KCNB2: variants seen among roughly 807,000 people sequenced by gnomAD.
The protein encoded by KCNB2 is delayed rectifier potassium channel protein.
Under a neutral mutation model 61.5 loss-of-function variants are expected in KCNB2, and 15 were observed. The ratio of observed to expected loss-of-function variants is 0.24; its 90% CI spans 0.16 to 0.38. The LOEUF (loss-of-function observed/expected upper bound fraction) is 0.38, where lower values mean the gene tolerates loss of function less well. Among genes scored for constraint, KCNB2 ranks in the 10% least tolerant of loss-of-function variants. KCNB2 has a pLI of 1.00. For missense variants in KCNB2, 828 were observed against 1,125.2 expected (o/e 0.74, Z 3.78); for synonymous variants, 457 against 446.0 (o/e 1.02, Z -0.31).
At chr8:72,928,161 G>C (rs1806692132) in intron 2 of KCNB2, among the ~76,000 whole-genome samples, 1 of 150,602 alleles carries the variant, frequency 6.6e-6, no homozygotes, top group Non-Finnish European at 1.5e-5. Context: ...CTGATAAGGA[G>C]AAAAGTGAGG....
At chr8:72,580,411 T>G (rs1362228681) in intron 2 of KCNB2, among the ~76,000 whole-genome samples, 2 of 152,234 alleles carry the variant, frequency 1.3e-5, no homozygotes, top group Admixed American at 1.3e-4. Context: ...CTCACAGTTG[T>G]ATTTCTAGTT....
intron 2 of KCNB2, among the ~76,000 whole-genome samples, chr8:72,927,349 C>T (rs1806672197): frequency 6.6e-6 from 1 of 152,004 alleles, no homozygotes; most frequent in South Asian, 2.1e-4. Context: ...TGGCTCACTA[C>T]AACCTGCACC....
chr8:72,683,951 C>T (rs1033162656), intron 2 of KCNB2, among the ~76,000 whole-genome samples: 1 of 151,986 alleles, frequency 6.6e-6, no homozygotes, highest in African/African-American at 2.4e-5. Context: ...TACTTTTTCC[C>T]TTGAATGATG....
chr8:72,715,610 C>G (rs1471349571), intron 2 of KCNB2, among the ~76,000 whole-genome samples: 6 of 151,952 alleles, frequency 3.9e-5, no homozygotes, highest in Admixed American at 3.9e-4. Context: ...TCTTTGAAAC[C>G]AACGAGAACA....
At chr8:72,918,592 G>C (rs189520084) in intron 2 of KCNB2, among the ~76,000 whole-genome samples, 3 of 152,200 alleles carry the variant, frequency 2.0e-5, no homozygotes, top group Admixed American at 2.0e-4. Context: ...TCCCCTTTTT[G>C]AGGAATTCTA....
At chr8:72,651,553 T>G (rs1404252090) in intron 2 of KCNB2, among the ~76,000 whole-genome samples, 1 of 152,128 alleles carries the variant, frequency 6.6e-6, no homozygotes, top group Non-Finnish European at 1.5e-5. Context: ...GAGGCAGTGC[T>G]GAGCCACACA....
rs139383097 is a variant in KCNB2 at position 72,936,828 on chromosome 8, G to A, written c.1473G>A (p.Arg491=). ...SADDNHLSPS[R]WKWARKALSE... is the part of the protein sequence containing the mutation. Reference sequence around the variant, plus strand: ...ACGATAATCACCTGTCGCCAAGCCGGTGGAAGTGGGCCAGGAAGGCTCTGT... The same window carrying A: ...ACGATAATCACCTGTCGCCAAGCCGATGGAAGTGGGCCAGGAAGGCTCTGT... Residue 491 remains arginine (R), a synonymous_variant, in exon 3 of 3, where the codon CGG becomes CGA. Coordinates refer to ENST00000523207, the MANE Select transcript of KCNB2 (RefSeq NM_004770.3). The surrounding 1 kb of genome is among the most constrained non-coding windows in gnomAD (Gnocchi z 5.6). 8.8e-5 allele frequency: 142 copies of A among 1,614,136 alleles called. No homozygotes were observed. The African/African-American group carries it at 1.7e-3, about 19-fold the overall frequency.
chr8:72,870,844 C>G (rs1805603922), intron 2 of KCNB2, among the ~76,000 whole-genome samples: 1 of 152,126 alleles, frequency 6.6e-6, no homozygotes, highest in South Asian at 2.1e-4. Context: ...AGGTGTGGTG[C>G]CATGCACCTG....
chr8:72,588,786 C>G lies in KCNB2; in HGVS notation c.579+20473C>G, dbSNP rs764523838. Among the ~76,000 whole-genome samples, 55 of 152,050 alleles carry G rather than the reference C, an allele frequency of 3.6e-4. 1 individual carries two copies. Among genetic ancestry groups the G allele is most frequent in the South Asian group, 4.2e-4 (2 of 4,806 alleles). On this transcript the variant is annotated intron_variant, in intron 2 of 2. Transcript: ENST00000523207. ...ATTAGCCAGGCTGTAGTCCTAGCTA[C>G]TCTGGAGGCTGAGGTGGGAGAATTG...
At chr8:72,614,461 G>T (rs1044445846) in intron 2 of KCNB2, among the ~76,000 whole-genome samples, 5 of 152,148 alleles carry the variant, frequency 3.3e-5, no homozygotes, top group Admixed American at 1.3e-4. Flanking sequence ...AATTTCTTGT[G>T]CTGTTAAAGG....
intron 2 of KCNB2, among the ~76,000 whole-genome samples, chr8:72,713,757 C>A (rs1394534916): frequency 2.0e-5 from 3 of 152,144 alleles, no homozygotes; most frequent in Non-Finnish European, 4.4e-5. Flanking sequence ...GAGTGCCTCT[C>A]CTCCTCCAAA....
At chr8:72,783,709 T>C (rs1411525643) in intron 2 of KCNB2, among the ~76,000 whole-genome samples, 1 of 152,168 alleles carries the variant, frequency 6.6e-6, no homozygotes, top group Non-Finnish European at 1.5e-5. Context: ...GTAACCTCCA[T>C]GGGACCAGGG....
intron 2 of KCNB2, among the ~76,000 whole-genome samples, chr8:72,931,897 CA>C (rs1554545492): frequency 6.6e-6 from 1 of 152,178 alleles, no homozygotes; most frequent in Non-Finnish European, 1.5e-5. Context: ...CCTGTATTCC[CA>C]GCTACTTGGG....
intron 2 of KCNB2, among the ~76,000 whole-genome samples, chr8:72,837,791 C>G (rs1809805723): frequency 6.6e-6 from 1 of 151,634 alleles, no homozygotes; most frequent in African/African-American, 2.4e-5. Context: ...TGAAATTTTT[C>G]AGGCACTTTA....
At position 72,560,193 on chromosome 8, in the gene KCNB2, A is replaced by G. The variant is rs148899185; in HGVS notation, c.-93-7449A>G. On this transcript the variant is annotated intron_variant, in intron 1 of 2. Coordinates refer to ENST00000523207, the MANE Select transcript of KCNB2 (RefSeq NM_004770.3). ...TGAGAAATAGTCCTTGTACATGAAT[A>G]TTACTACTAAACATTTCAGACCAAT... Among the ~76,000 whole-genome samples the G allele has an allele frequency of 1.4e-4, 21 of 152,294 alleles. No homozygotes were observed. In the East Asian group the frequency reaches 4.0e-3, roughly 29 times the overall value.
intron 2 of KCNB2, among the ~76,000 whole-genome samples, chr8:72,856,015 AG>A (rs1268927637): frequency 1.3e-5 from 2 of 152,220 alleles, no homozygotes; most frequent in African/African-American, 2.4e-5. Context: ...CAAGAAAACA[AG>A]TCTGTGCATA....
chr8:72,893,164 T>C (rs1019850471), intron 2 of KCNB2, among the ~76,000 whole-genome samples: 2 of 152,112 alleles, frequency 1.3e-5, no homozygotes, highest in Non-Finnish European at 2.9e-5. Flanking sequence ...GAAGAGATTT[T>C]GTTTGCTTTT....
intron 2 of KCNB2, among the ~76,000 whole-genome samples, chr8:72,903,560 G>A (rs1484445335): frequency 1.3e-5 from 2 of 152,174 alleles, no homozygotes; most frequent in African/African-American, 2.4e-5. Context: ...CAGCCTGGGT[G>A]ACAGAGTGAG....
chr8:72,540,405 A>G (rs1401832121), intron 1 of KCNB2, among the ~76,000 whole-genome samples: 2 of 152,218 alleles, frequency 1.3e-5, no homozygotes, highest in Non-Finnish European at 2.9e-5. Context: ...GATTTTGCAT[A>G]AAATCGAGAT....
Sources: allele counts gnomAD v4.1 joint callset (sites outside exome capture counted in the v4.1 genomes callset), GRCh38; gene constraint gnomAD v4.1.1; non-coding constraint Gnocchi (gnomAD v3.1); transcripts MANE v1.5; gene names NCBI Gene and HGNC (gene_info 2026-07-23, HGNC 2026-07-21).